The following ZNF845 variants were observed in gnomAD, a reference collection of about 807,000 sequenced individuals.
ZNF845 encodes zinc finger protein 845.
In ZNF845, 59 loss-of-function variants were observed where a neutral mutation model predicts 76.1. The ratio of observed to expected loss-of-function variants is 0.78; its 90% CI spans 0.63 to 0.96. The LOEUF is 0.96. Ranked by LOEUF, ZNF845 falls within the 40% of genes least tolerant of loss-of-function variation. The pLI is 0.00. For missense variants in ZNF845, 1,045 were observed against 1,172.8 expected (o/e 0.89, Z 1.59); for synonymous variants, 361 against 386.9 (o/e 0.93, Z 0.78).
chr19:53,337,419 G>C (rs1475325216), intron 1 of ZNF845, among the ~76,000 whole-genome samples: 5 of 151,874 alleles, frequency 3.3e-5, no homozygotes, highest in Non-Finnish European at 7.4e-5. Context: ...TCACTCTACC[G>C]TCCAGGCTGT....
chr19:53,341,015 G>C, intron 1 of ZNF845: 1 of 512,440 alleles, frequency 2.0e-6, no homozygotes, highest in Non-Finnish European at 3.4e-6. Context: ...TCACACTCCA[G>C]CTACACCCTC....
At chr19:53,339,062 T>C (rs1013681682) in intron 1 of ZNF845, among the ~76,000 whole-genome samples, 1 of 152,132 alleles carries the variant, frequency 6.6e-6, no homozygotes, top group African/African-American at 2.4e-5. Context: ...ATCGCGCCAT[T>C]GCACTACAGC....
In ZNF845 at chr19:53,353,195, C is replaced by G; in HGVS notation, c.2520C>G (p.Phe840Leu). Reference sequence around the variant, plus strand: ...AGTGTAATGAGTGTGGCAAGACCTTCCGTCACAATTCAGCCCTTGAAATTC... The same window carrying G: ...AGTGTAATGAGTGTGGCAAGACCTTGCGTCACAATTCAGCCCTTGAAATTC... ...PYKCNECGKT[F>L]RHNSALEIHK... The change falls in exon 4 of 4, where the codon TTC becomes TTG. Residue 840 changes from phenylalanine to leucine, a missense_variant. Transcript: ENST00000458035. 1 of 1,613,324 alleles carries G rather than the reference C, an allele frequency of 6.2e-7. No individual in the cohort carries two copies. The highest frequency in any genetic ancestry group is 8.5e-7 in the Non-Finnish European group (1 of 1,179,764).
rs2085352648 is a variant in ZNF845 at position 53,352,875 on chromosome 19, C to A, written c.2200C>A (p.Leu734Ile). 6.2e-7 allele frequency: 1 copy of A among 1,614,004 alleles called. No homozygotes were observed. Among genetic ancestry groups the A allele is most frequent in the East Asian group, 2.2e-5 (1 of 44,856 alleles). Reference sequence around the variant, plus strand: ...CAAGGCCTTCAGTCAGAAGTCATCCCTTACATGCCATCTTAGACTTCATAC... The same window carrying A: ...CAAGGCCTTCAGTCAGAAGTCATCCATTACATGCCATCTTAGACTTCATAC... ...CGKAFSQKSS[L>I]TCHLRLHTGE... The change falls in exon 4 of 4, where the codon CTT becomes ATT. Residue 734 changes from leucine (L) to isoleucine (I), a missense_variant. Transcript: ENST00000458035.
At position 53,351,148 on chromosome 19, in the gene ZNF845, G is replaced by A; in HGVS notation, c.473G>A (p.Gly158Glu). The A allele has an allele frequency of 6.2e-7, 1 of 1,614,144 alleles. No individual in the cohort carries two copies. The highest frequency in any genetic ancestry group is 8.5e-7 in the Non-Finnish European group (1 of 1,180,030). The change falls in exon 4 of 4, where the codon GGG becomes GAG. Residue 158 changes from glycine (G) to glutamate (E), a missense_variant. By Grantham distance (98) the Gly-to-Glu change is moderately conservative. Transcript: ENST00000458035. ...GAACTCCACATGTTTCAGACCGAAG[G>A]GAAAATTGGTAATCAAGTTGAGAAG... ...LPELHMFQTE[G>E]KIGNQVEKSI...
chr19:53,342,790 A>G (rs755899985), intron 2 of ZNF845, among the ~76,000 whole-genome samples: 4 of 152,152 alleles, frequency 2.6e-5, no homozygotes, highest in African/African-American at 7.2e-5. Context: ...TCACTCTGCT[A>G]TTAATCCCCG....
chr19:53,345,599 A>G lies in ZNF845; in HGVS notation c.109A>G (p.Met37Val). 6.2e-7 allele frequency: 1 copy of G among 1,613,938 alleles called. No homozygotes were observed. The highest frequency in any genetic ancestry group is 8.5e-7 in the Non-Finnish European group (1 of 1,179,888). ...TCAGAGGACTCTATACAGGGACGTG[A>G]TGCTGGAGAATTATAGGAACCTGGT... ...PAQRTLYRDV[M>V]LENYRNLVSL... Residue 37 changes from methionine to valine, a missense_variant, in exon 3 of 4, where the codon ATG (methionine) becomes GTG (valine). Coordinates refer to ENST00000458035, the MANE Select transcript of ZNF845 (RefSeq NM_138374.3).
chr19:53,352,776 G>T lies in ZNF845; in HGVS notation c.2101G>T (p.Gly701Cys), dbSNP rs373305546. ...YKCNECGKTF[G>C]RNSALIIHKA... ...GTGTAATGAGTGTGGCAAGACCTTC[G>T]GTCGAAATTCAGCCCTTATAATTCA... Residue 701 changes from glycine to cysteine, a missense_variant, in exon 4 of 4, where the codon GGT (glycine) becomes TGT (cysteine). Transcript: ENST00000458035. 6.2e-7 allele frequency: 1 copy of T among 1,606,134 alleles called. No homozygotes were observed.
intron 1 of ZNF845, among the ~76,000 whole-genome samples, chr19:53,336,694 T>G (rs736155): frequency 0.18 from 26,348 of 148,730 alleles, 2,620 homozygotes; most frequent in Middle Eastern, 0.24. Context: ...TAAATATTTC[T>G]TTTTTAATAC....
chr19:53,338,605 C>A lies in ZNF845; in HGVS notation c.-73-2630C>A, dbSNP rs28707622. ...CAAGAATCAAGAGTGCAAACAGCACCGTGAACTGCAGCCCGAGGGCCACCT... is the reference window on the plus strand; with the variant it reads ...CAAGAATCAAGAGTGCAAACAGCACAGTGAACTGCAGCCCGAGGGCCACCT... On this transcript the variant is annotated intron_variant, in intron 1 of 3. Transcript: ENST00000458035. Among the ~76,000 whole-genome samples, 16 of 104,790 alleles carry A rather than the reference C, an allele frequency of 1.5e-4. 4 individuals carry two copies. The highest frequency in any genetic ancestry group is 2.2e-4 in the African/African-American group (6 of 26,858). The allele number at this position is 104,790 out of a possible 152,430, so 68.7% of individuals were successfully genotyped here.
rs1235649196 is a variant in ZNF845, at chr19:53,352,539, C to T, written c.1864C>T (p.Leu622Phe). 1.2e-6 allele frequency: 2 copies of T among 1,607,194 alleles called. No homozygotes were observed. The highest frequency in any genetic ancestry group is 1.1e-5 in the South Asian group (1 of 90,534). ...CAAATTTTTCAGACATCGTTCATAC[C>T]TTGCAGTTCATTGGCGAACTCATAG... ...CGKFFRHRSY[L>F]AVHWRTHSGE... The change falls in exon 4 of 4, where the codon CTT becomes TTT. Residue 622 changes from leucine to phenylalanine, a missense_variant. Transcript: ENST00000458035.
rs557178566 is a variant in ZNF845 at position 53,356,389 on chromosome 19, T to G, written c.*2801T>G. 3.9e-5 allele frequency: 6 copies of G among 152,164 alleles called. No individual in the cohort carries two copies. Among genetic ancestry groups the G allele is most frequent in the East Asian group, 1.9e-4 (1 of 5,160 alleles). 9.4% of individuals were successfully genotyped at this position (152,164 alleles called of 1,614,324 possible). ...TCTTCTCTGCTAAAAGTAAAAAAAGTCAGCCAGGTGTGGTGGTGCACTGCT... is the reference window on the plus strand; with the variant it reads ...TCTTCTCTGCTAAAAGTAAAAAAAGGCAGCCAGGTGTGGTGGTGCACTGCT... On this transcript the variant is annotated 3_prime_UTR_variant, in exon 4 of 4. Transcript: ENST00000458035.
rs2085383065 is a variant in ZNF845 at position 53,355,932 on chromosome 19, C to T, written c.*2344C>T. On this transcript the variant is annotated 3_prime_UTR_variant, in exon 4 of 4. Coordinates refer to ENST00000458035, the MANE Select transcript of ZNF845 (RefSeq NM_138374.3). ...CTGTCATTCTGTGCAAGTGTGTATC[C>T]CATTGATTTGAGTATGTTGAACCAT... is the stretch of plus-strand genomic sequence containing the variant. 1 of 151,972 alleles carries T rather than the reference C, an allele frequency of 6.6e-6. No homozygotes were observed. The highest frequency in any genetic ancestry group is 1.5e-5 in the Non-Finnish European group (1 of 68,004). The allele number at this position is 151,972 out of a possible 1,614,324, so 9.4% of individuals were successfully genotyped here.
chr19:53,353,128 T>C lies in ZNF845; in HGVS notation c.2453T>C (p.Leu818Pro). 6.3e-7 allele frequency: 1 copy of C among 1,598,746 alleles called. No homozygotes were observed. Among genetic ancestry groups the C allele is most frequent in the Non-Finnish European group, 8.6e-7 (1 of 1,166,976 alleles). ...AAGAACTTCCGTCACAATTCAGCCC[T>C]TGTAATTCATAAGGCAATTCATAGT... ...CGKNFRHNSA[L>P]VIHKAIHSGE... Residue 818 changes from leucine to proline, a missense_variant, in exon 4 of 4, where the codon CTT (leucine) becomes CCT (proline). Coordinates refer to ENST00000458035, the MANE Select transcript of ZNF845 (RefSeq NM_138374.3).
chr19:53,345,632 G>T lies in ZNF845; in HGVS notation c.142G>T (p.Asp48Tyr). 1 of 1,613,048 alleles carries T rather than the reference G, an allele frequency of 6.2e-7. No homozygotes were observed. Among genetic ancestry groups the T allele is most frequent in the Non-Finnish European group, 8.5e-7 (1 of 1,179,648 alleles). Residue 48 changes from aspartate (D) to tyrosine (Y), a missense_variant and splice_region_variant, in exon 3 of 4, where the codon GAT becomes TAT. Transcript: ENST00000458035. ...GAATTATAGGAACCTGGTCTCCCTGGGTGAGGATAACTTCCCTCCAGAAGT... is the reference window on the plus strand; with the variant it reads ...GAATTATAGGAACCTGGTCTCCCTGTGTGAGGATAACTTCCCTCCAGAAGT... The part of the protein sequence containing the change: ...LENYRNLVSL[D>Y]ISSKCMMKEF...
At chr19:53,336,845 A>G (rs772761608) in intron 1 of ZNF845, among the ~76,000 whole-genome samples, 1 of 152,222 alleles carries the variant, frequency 6.6e-6, no homozygotes. Flanking sequence ...AGTTGCGTCC[A>G]GTTCAGATCG....
At chr19:53,340,992 C>G (rs2085252403) in intron 1 of ZNF845, 1 of 472,954 alleles carries the variant, frequency 2.1e-6, no homozygotes. Flanking sequence ...ACTTCTGTGA[C>G]CCACCTCCCA....
rs2085379656 is a variant in ZNF845, at chr19:53,355,511, A to G, written c.*1923A>G. ...TACCTTGAAGAGAACTTGAAAGAATATGTTAGATCGCCTAACCTCATTATC... is the reference window on the plus strand; with the variant it reads ...TACCTTGAAGAGAACTTGAAAGAATGTGTTAGATCGCCTAACCTCATTATC... On this transcript the variant is annotated 3_prime_UTR_variant, in exon 4 of 4. Coordinates refer to ENST00000458035, the MANE Select transcript of ZNF845 (RefSeq NM_138374.3). 6.6e-6 allele frequency: 1 copy of G among 151,994 alleles called. No individual in the cohort carries two copies. The highest frequency in any genetic ancestry group is 1.5e-5 in the Non-Finnish European group (1 of 67,998). 9.4% of individuals were successfully genotyped at this position (151,994 alleles called of 1,614,324 possible).
chr19:53,351,181 A>T lies in ZNF845; in HGVS notation c.506A>T (p.Asn169Ile). The change falls in exon 4 of 4, where the codon AAC (asparagine) becomes ATC (isoleucine). Residue 169 changes from asparagine (N) to isoleucine (I), a missense_variant. Asn to Ile is a moderately radical substitution (Grantham distance 149). Coordinates refer to ENST00000458035, the MANE Select transcript of ZNF845 (RefSeq NM_138374.3). ...KIGNQVEKSI[N>I]SASLVSTSQR... The stretch of plus-strand genomic sequence containing the variant: ...GGTAATCAAGTTGAGAAGTCTATCA[A>T]CAGTGCTTCGTTGGTTTCAACATCC... 1 of 1,614,272 alleles carries T rather than the reference A, an allele frequency of 6.2e-7. No individual in the cohort carries two copies.
Sources: gnomAD v4.1 joint callset for allele counts (sites outside exome capture counted in the v4.1 genomes callset) on GRCh38, gnomAD v4.1.1 for gene constraint, MANE v1.5 for transcripts, NCBI Gene and HGNC (gene_info 2026-07-23, HGNC 2026-07-21) for gene names.